GABRG2: variants seen among roughly 807,000 people sequenced by gnomAD.
GABRG2 encodes gamma-aminobutyric acid receptor subunit gamma-2.
GABRG2 carries 16 observed loss-of-function variants against 56.4 expected under a neutral mutation model. The ratio of observed to expected loss-of-function variants is 0.28; its 90% CI spans 0.19 to 0.43. GABRG2 has a LOEUF of 0.43. Ranked by LOEUF, GABRG2 falls within the 20% of genes least tolerant of loss-of-function variation. The pLI, the probability that GABRG2 is intolerant of heterozygous loss-of-function variation, is 1.00. For missense variants in GABRG2, 327 were observed against 582.7 expected, an observed-to-expected ratio of 0.56 and a Z score of 4.52; for synonymous variants, 208 against 205.5, an observed-to-expected ratio of 1.01 and a Z score of -0.10.
chr5:162,098,005 C>T, intron 4 of GABRG2, 147 bp downstream of exon 4: 2 of 665,144 alleles, frequency 3.0e-6, no homozygotes, highest in Non-Finnish European at 2.6e-6. Flanking sequence ...TAGTATATGA[C>T]ATCAAAACAT....
intron 1 of GABRG2, among the ~76,000 whole-genome samples, chr5:162,083,791 G>A (rs550741858): frequency 1.3e-5 from 2 of 151,852 alleles, no homozygotes; most frequent in South Asian, 2.1e-4. Flanking sequence ...AATATAAGCT[G>A]TTTAATGAAG....
At chr5:162,082,738 A>G (rs543355357) in intron 1 of GABRG2, among the ~76,000 whole-genome samples, 1 of 151,804 alleles carries the variant, frequency 6.6e-6, no homozygotes, top group Non-Finnish European at 1.5e-5. Context: ...TTCATATTAT[A>G]TAGAGATAAA....
chr5:162,110,725 G>A (rs1337328488), intron 6 of GABRG2, among the ~76,000 whole-genome samples: 1 of 152,060 alleles, frequency 6.6e-6, no homozygotes, highest in Non-Finnish European at 1.5e-5. Context: ...CAATCCTACA[G>A]TCTCTTGTTA....
intron 6 of GABRG2, among the ~76,000 whole-genome samples, chr5:162,129,536 T>C (rs1045390724): frequency 2.0e-5 from 3 of 151,804 alleles, no homozygotes; most frequent in Non-Finnish European, 2.9e-5. Flanking sequence ...CCGGTCTGAG[T>C]CCTTGTGCTA....
intron 6 of GABRG2, among the ~76,000 whole-genome samples, chr5:162,137,902 C>A (rs1364732345): frequency 1.3e-5 from 2 of 151,866 alleles, no homozygotes; most frequent in Non-Finnish European, 2.9e-5. Context: ...CAGGTGCATG[C>A]CACCACGCCT....
At chr5:162,088,338 G>A (rs1485493500) in intron 1 of GABRG2, among the ~76,000 whole-genome samples, 3 of 152,266 alleles carry the variant, frequency 2.0e-5, no homozygotes, top group Admixed American at 2.0e-4. Flanking sequence ...CCCACCTTTT[G>A]CAGTGGCTGA....
chr5:162,095,622 T>C (rs1458025024), intron 3 of GABRG2, 60 bp downstream of exon 3: 4 of 1,250,268 alleles, frequency 3.2e-6, no homozygotes, highest in Non-Finnish European at 4.7e-6. Flanking sequence ...GAAAATGTGA[T>C]GTCATGGAAA....
intron 6 of GABRG2, among the ~76,000 whole-genome samples, chr5:162,132,789 T>C (rs1172832124): frequency 6.6e-6 from 1 of 152,070 alleles, no homozygotes; most frequent in African/African-American, 2.4e-5. Context: ...GAATGGAATA[T>C]GAATTCACAT....
chr5:162,102,768 A>C, intron 5 of GABRG2: 1 of 345,570 alleles, frequency 2.9e-6, no homozygotes, highest in Non-Finnish European at 5.8e-6. Flanking sequence ...GTTTTCCTCA[A>C]TTTTCATCAC....
At chr5:162,121,181 T>G (rs1315155653) in intron 6 of GABRG2, among the ~76,000 whole-genome samples, 2 of 152,156 alleles carry the variant, frequency 1.3e-5, no homozygotes, top group East Asian at 3.9e-4. Context: ...CACATACTTC[T>G]GCTGAGTTTA....
At chr5:162,144,421 G>C (rs552219185) in intron 7 of GABRG2, among the ~76,000 whole-genome samples, 87 of 152,258 alleles carry the variant, frequency 5.7e-4, no homozygotes, top group African/African-American at 2.0e-3. Flanking sequence ...GTGTTCACTG[G>C]CAAAGGATCA....
chr5:162,093,384 A>G (rs1392533533), intron 1 of GABRG2, among the ~76,000 whole-genome samples: 2 of 152,110 alleles, frequency 1.3e-5, no homozygotes, highest in African/African-American at 2.4e-5. Context: ...GTGGGAGGGA[A>G]TCTAATTATC....
intron 1 of GABRG2, among the ~76,000 whole-genome samples, chr5:162,075,841 C>T (rs1759056772): frequency 6.6e-6 from 1 of 152,070 alleles, no homozygotes; most frequent in African/African-American, 2.4e-5. Flanking sequence ...CACACTTGAT[C>T]AGGGTTCAGT....
At chr5:162,090,987 C>G (rs958373182) in intron 1 of GABRG2, among the ~76,000 whole-genome samples, 1 of 152,074 alleles carries the variant, frequency 6.6e-6, no homozygotes, top group African/African-American at 2.4e-5. Context: ...GAGAAAGAAA[C>G]AGCGTAGCTT....
chr5:162,142,366 C>T (rs1764637126), intron 7 of GABRG2, 50 bp downstream of exon 7: 3 of 1,582,118 alleles, frequency 1.9e-6, no homozygotes, highest in Non-Finnish European at 2.6e-6. Context: ...GTACCAAATA[C>T]AAGTAATTTT....
At chr5:162,092,313 A>G (rs1473680317) in intron 1 of GABRG2, among the ~76,000 whole-genome samples, 1 of 152,134 alleles carries the variant, frequency 6.6e-6, no homozygotes, top group Non-Finnish European at 1.5e-5. Flanking sequence ...TATGCTCACT[A>G]AAGTGCAAGA....
chr5:162,139,956 T>C (rs1764433928), intron 6 of GABRG2, among the ~76,000 whole-genome samples: 1 of 152,200 alleles, frequency 6.6e-6, no homozygotes, highest in South Asian at 2.1e-4. Context: ...AAGATGGATG[T>C]TAATAGAGGT....
At chr5:162,079,579 T>C (rs1379697061) in intron 1 of GABRG2, among the ~76,000 whole-genome samples, 1 of 151,982 alleles carries the variant, frequency 6.6e-6, no homozygotes, top group Non-Finnish European at 1.5e-5. Flanking sequence ...TAATCCTTGC[T>C]CTTGTAAAGC....
chr5:162,081,131 TA>T lies in GABRG2; in HGVS notation c.108-12691del, dbSNP rs967068079. Among the ~76,000 whole-genome samples the T allele has an allele frequency of 5.9e-5, 9 of 152,036 alleles. 1 individual carries two copies. Among genetic ancestry groups the T allele is most frequent in the Admixed American group, 5.9e-4 (9 of 15,240 alleles). ...TCTGTGTATAAATCCAGGCAAATAG[TA>T]AAAAAGAGATTAAAAATTGTATACA... On this transcript the variant is annotated intron_variant, in intron 1 of 9. Coordinates refer to ENST00000639213, the MANE Select transcript of GABRG2 (RefSeq NM_198904.4).
Sources: gnomAD v4.1 joint callset for allele counts (sites outside exome capture counted in the v4.1 genomes callset) on GRCh38, gnomAD v4.1.1 for gene constraint, MANE v1.5 for transcripts, NCBI Gene and HGNC (gene_info 2026-07-23, HGNC 2026-07-21) for gene names.